The following TMX3 variants were observed in gnomAD, a reference collection of about 807,000 sequenced individuals.
TMX3 encodes protein disulfide-isomerase TMX3.
A neutral mutation model predicts 64.4 loss-of-function variants in TMX3; 40 were observed. The ratio of observed to expected loss-of-function variants is 0.62; its 90% CI spans 0.48 to 0.81. The LOEUF is 0.81. Among genes scored for constraint, TMX3 ranks in the 30% least tolerant of loss-of-function variants. The pLI, the probability that TMX3 is intolerant of heterozygous loss-of-function variation, is 0.00. For missense variants in TMX3, 497 were observed against 534.5 expected, an observed-to-expected ratio of 0.93 and a Z score of 0.69; for synonymous variants, 189 against 175.7, an observed-to-expected ratio of 1.08 and a Z score of -0.60.
intron 4 of TMX3, among the ~76,000 whole-genome samples, chr18:68,706,623 T>C (rs1051458747): frequency 6.6e-5 from 10 of 152,110 alleles, no homozygotes; most frequent in African/African-American, 2.2e-4. Flanking sequence ...ACCGCAACTG[T>C]CTGAAAAGCA....
intron 4 of TMX3, among the ~76,000 whole-genome samples, chr18:68,709,538 C>A (rs2031050566): frequency 6.6e-6 from 1 of 152,108 alleles, no homozygotes; most frequent in Non-Finnish European, 1.5e-5. Context: ...TCACTTCATT[C>A]TATTCTCTAG....
At chr18:68,697,606 ATG>A (rs1397684811) in intron 7 of TMX3, 25 of 345,022 alleles carry the variant, frequency 7.2e-5, no homozygotes, top group Middle Eastern at 7.8e-4. Flanking sequence ...ATAGGAAGAT[ATG>A]TGTGTATACA....
intron 9 of TMX3, chr18:68,688,748 G>A (rs1369581592): frequency 6.6e-6 from 1 of 152,146 alleles, no homozygotes. Context: ...TCCACTGCAT[G>A]CTAAAAGCAA....
chr18:68,689,985 T>C (rs1599309835), intron 9 of TMX3: 1 of 152,160 alleles, frequency 6.6e-6, no homozygotes, highest in Admixed American at 6.5e-5. Flanking sequence ...TTATTATCTA[T>C]AGAAACAAAT....
chr18:68,699,391 C>T (rs1915454279), intron 6 of TMX3, among the ~76,000 whole-genome samples: 4 of 152,096 alleles, frequency 2.6e-5, no homozygotes, highest in Admixed American at 2.6e-4. Context: ...TCCCCTCATA[C>T]AACATAAAGT....
intron 15 of TMX3, 86 bp downstream of exon 15, chr18:68,679,377 C>A: frequency 9.1e-7 from 1 of 1,101,896 alleles, no homozygotes; most frequent in Non-Finnish European, 1.3e-6. Context: ...TTGACCTAAT[C>A]TTTTCAAATT....
chr18:68,713,953 C>T (rs773053444), intron 1 of TMX3, 53 bp from the exon 2 acceptor site: 18 of 1,309,562 alleles, frequency 1.4e-5, no homozygotes, highest in Non-Finnish European at 1.9e-5. Flanking sequence ...TTGGCTCATA[C>T]CGTATAAGCT....
rs370483827 is a variant in TMX3 at position 68,691,328 on chromosome 18, C to G, written c.604G>C (p.Val202Leu). 1.3e-6 allele frequency: 2 copies of G among 1,581,050 alleles called. No individual in the cohort carries two copies. The highest frequency in any genetic ancestry group is 1.7e-6 in the Non-Finnish European group (2 of 1,160,664). Residue 202 changes from valine (V) to leucine (L), a missense_variant, in exon 9 of 16, where the codon GTT becomes CTT. By Grantham distance (32) the Val-to-Leu change is conservative. This residue lies in a region of TMX3 where 360 missense variants were observed against 383.5 expected (regional missense o/e 0.94). Transcript: ENST00000299608. ...ACAAAGTAAGTTTCATCTTTGAAAACAAGCACAGCTGGCATCTCTTTTAGT... is the reference window on the plus strand; with the variant it reads ...ACAAAGTAAGTTTCATCTTTGAAAAGAAGCACAGCTGGCATCTCTTTTAGT... ...VTLKEMPAVL[V>L]FKDETYFVYD...
chr18:68,709,236 A>C (rs9960343), intron 4 of TMX3, among the ~76,000 whole-genome samples: 15,054 of 152,148 alleles, frequency 0.099, 2,172 homozygotes, highest in African/African-American at 0.32. Context: ...GATTTGAATC[A>C]AAATCTGCTC....
chr18:68,687,646 A>C, intron 10 of TMX3, 21 bp downstream of exon 10: 1 of 1,588,132 alleles, frequency 6.3e-7, no homozygotes, highest in Non-Finnish European at 8.5e-7. Flanking sequence ...CATAATGGAG[A>C]CTTGTACATA....
At chr18:68,710,273 G>C in intron 3 of TMX3, 129 bp from the exon 4 acceptor site, 1 of 891,798 alleles carries the variant, frequency 1.1e-6, no homozygotes, top group South Asian at 3.3e-5. Flanking sequence ...TAGACAAGAA[G>C]TTTAAATATA....
chr18:68,704,378 GT>G (rs1300807901), intron 4 of TMX3, among the ~76,000 whole-genome samples: 42 of 151,916 alleles, frequency 2.8e-4, no homozygotes, highest in African/African-American at 1.0e-3. Context: ...GGAAGATTCG[GT>G]AACTCGTTTG....
chr18:68,684,614 A>T, intron 10 of TMX3, 129 bp from the exon 11 acceptor site: 2 of 727,246 alleles, frequency 2.8e-6, no homozygotes, highest in Non-Finnish European at 4.6e-6. Flanking sequence ...CCTACATGTT[A>T]TATCAAATTA....
rs1470607968 is a variant in TMX3, at chr18:68,676,061, T to C, written c.*872A>G. The C allele has an allele frequency of 6.6e-6, 1 of 152,120 alleles. No individual in the cohort carries two copies. Among genetic ancestry groups the C allele is most frequent in the Non-Finnish European group, 1.5e-5 (1 of 68,010 alleles). 9.4% of individuals were successfully genotyped at this position (152,120 alleles called of 1,614,324 possible). A position where few individuals can be genotyped will look rare whatever the true frequency, so the allele number is the denominator to read the frequency against. ...ACACACCAGAAACATAAAAATATGA[T>C]ACATACCACTTTTCAAAAAGCAGAA... On this transcript the variant is annotated 3_prime_UTR_variant, in exon 16 of 16. Transcript: ENST00000299608.
chr18:68,684,170 C>T lies in TMX3; in HGVS notation c.848+20G>A. 1 of 1,576,694 alleles carries T rather than the reference C, an allele frequency of 6.3e-7. No individual in the cohort carries two copies. Among genetic ancestry groups the T allele is most frequent in the Non-Finnish European group, 8.6e-7 (1 of 1,157,232 alleles). On this transcript the variant is annotated intron_variant, in intron 12 of 15. Transcript: ENST00000299608. ...GTATTAAACAAAAATAAAGGAATCT[C>T]TCAGAATATAAGCACCTACCTATGG...
intron 2 of TMX3, among the ~76,000 whole-genome samples, chr18:68,712,312 G>C (rs892125448): frequency 1.3e-5 from 2 of 152,100 alleles, no homozygotes; most frequent in African/African-American, 4.8e-5. Context: ...TTATGAACCT[G>C]TCCCTGGACA....
rs778655749 is a variant in TMX3 at position 68,680,975 on chromosome 18, A to G, written c.1035+6T>C. ...CATCTCTTTGAAACAGAAGTGAACA[A>G]CTTACTTCTACTGTGCCATCCAAAA... On this transcript the variant is annotated splice_donor_region_variant and intron_variant, in intron 14 of 15. Coordinates refer to ENST00000299608, the MANE Select transcript of TMX3 (RefSeq NM_019022.5). 2 of 1,573,664 alleles carry G rather than the reference A, an allele frequency of 1.3e-6. No individual in the cohort carries two copies. The highest frequency in any genetic ancestry group is 1.7e-6 in the Non-Finnish European group (2 of 1,161,906).
Position 68,675,792 on chromosome 18 carries a change from A to C in TMX3, c.*1141T>G, listed in dbSNP as rs1369368502. The C allele has an allele frequency of 1.3e-5, 2 of 152,212 alleles. No homozygotes were observed. Among genetic ancestry groups the C allele is most frequent in the Non-Finnish European group, 2.9e-5 (2 of 68,030 alleles). 9.4% of individuals were successfully genotyped at this position (152,212 alleles called of 1,614,324 possible). A position where few individuals can be genotyped will look rare whatever the true frequency, so the allele number is the denominator to read the frequency against. On this transcript the variant is annotated 3_prime_UTR_variant, in exon 16 of 16. Coordinates refer to ENST00000299608, the MANE Select transcript of TMX3 (RefSeq NM_019022.5). ...TTGGAAAGAATTCCTGTATTAGTTTATAGAAGATGAGAGGTCACTTGACGA... is the reference window on the plus strand; with the variant it reads ...TTGGAAAGAATTCCTGTATTAGTTTCTAGAAGATGAGAGGTCACTTGACGA...
At chr18:68,697,435 G>A (rs1915205451) in intron 7 of TMX3, 132 bp from the exon 8 acceptor site, 2 of 448,734 alleles carry the variant, frequency 4.5e-6, no homozygotes, top group Non-Finnish European at 8.0e-6. Flanking sequence ...ATCCTCTTAG[G>A]TGAAGAGAAG....
Sources: allele counts gnomAD v4.1 joint callset (sites outside exome capture counted in the v4.1 genomes callset), GRCh38; gene constraint gnomAD v4.1.1; regional missense constraint gnomAD v4.1.1; transcripts MANE v1.5; gene names NCBI Gene and HGNC (gene_info 2026-07-23, HGNC 2026-07-21).